The following ZBTB32 variants were observed in gnomAD, a reference collection of about 807,000 sequenced individuals.
ZBTB32 encodes zinc finger and BTB domain-containing protein 32.
In ZBTB32, 28 loss-of-function variants were observed where a neutral mutation model predicts 45.3. The observed-to-expected ratio is 0.62, with a 90% CI of 0.46 to 0.85. ZBTB32 has a LOEUF of 0.85. Ranked by LOEUF, ZBTB32 falls within the 40% of genes least tolerant of loss-of-function variation. The pLI, the probability that ZBTB32 is intolerant of heterozygous loss-of-function variation, is 0.00. For synonymous variants in ZBTB32, 283 were observed against 255.7 expected (o/e 1.11, Z -1.02); for missense variants, 587 against 624.4 (o/e 0.94, Z 0.64).
chr19:35,715,140 A>C lies in ZBTB32; in HGVS notation c.514A>C (p.Arg172=). 1 of 1,614,022 alleles carries C rather than the reference A, an allele frequency of 6.2e-7. No homozygotes were observed. Among genetic ancestry groups the C allele is most frequent in the Non-Finnish European group, 8.5e-7 (1 of 1,180,004 alleles). The change falls in exon 3 of 7, where the codon AGA becomes CGA. Residue 172 remains arginine, a synonymous_variant. Coordinates refer to ENST00000392197, the MANE Select transcript of ZBTB32 (RefSeq NM_014383.3). ...GATGTTGCACAAGCACTCGCCACCA[A>C]GAGGCAGACCCGAGATGGCAGGAGC... ...QEMLHKHSPP[R]GRPEMAGATQ...
chr19:35,716,900 G>T lies in ZBTB32; in HGVS notation c.*148G>T, dbSNP rs1323430372. The T allele has an allele frequency of 2.2e-6, 2 of 912,794 alleles. No homozygotes were observed. Among genetic ancestry groups the T allele is most frequent in the African/African-American group, 1.7e-5 (1 of 59,568 alleles). 56.5% of individuals were successfully genotyped at this position (912,794 alleles called of 1,614,324 possible). On this transcript the variant is annotated 3_prime_UTR_variant, in exon 7 of 7. Coordinates refer to ENST00000392197, the MANE Select transcript of ZBTB32 (RefSeq NM_014383.3). ...GAAGGGCGCCGAGTGCCCTCTCCTG[G>T]ACGATCGCGGGTCGCAGAAGCCCAG...
intron 6 of ZBTB32, 84 bp from the exon 7 acceptor site, chr19:35,716,394 C>G: frequency 1.3e-6 from 2 of 1,587,790 alleles, no homozygotes; most frequent in Non-Finnish European, 8.6e-7. Context: ...ATCCCCTAGC[C>G]CCGTGGCCCG....
chr19:35,716,746 C>T lies in ZBTB32; in HGVS notation c.1458C>T (p.Thr486=), dbSNP rs1305982273. Residue 486 remains threonine, a synonymous_variant, in exon 7 of 7, where the codon ACC becomes ACT. Coordinates refer to ENST00000392197, the MANE Select transcript of ZBTB32 (RefSeq NM_014383.3). ...STSPCCPSSS[T]T ...CTCCCTGTTGTCCTTCTTCCTCCAC[C>T]ACCTGACGGGGTGTCGGTAGCGTCT... 2 of 1,601,860 alleles carry T rather than the reference C, an allele frequency of 1.2e-6. No individual in the cohort carries two copies. The highest frequency in any genetic ancestry group is 1.7e-5 in the Admixed American group (1 of 59,770).
chr19:35,705,467 C>T (rs1223894994), intron 1 of ZBTB32, among the ~76,000 whole-genome samples: 1 of 152,140 alleles, frequency 6.6e-6, no homozygotes, highest in East Asian at 1.9e-4. Flanking sequence ...ATGTTCTTGG[C>T]AGATTTCCCA....
intron 1 of ZBTB32, among the ~76,000 whole-genome samples, chr19:35,708,971 G>A (rs1455438264): frequency 2.0e-5 from 3 of 151,756 alleles, no homozygotes; most frequent in Admixed American, 6.6e-5. Context: ...GGCATGTGCC[G>A]CCACGCCCAG....
chr19:35,711,859 T>C (rs1968702873), intron 1 of ZBTB32, among the ~76,000 whole-genome samples: 1 of 151,682 alleles, frequency 6.6e-6, no homozygotes, highest in East Asian at 1.9e-4. Context: ...ACCCTGTCAC[T>C]ACTAAAAGTA....
At chr19:35,707,794 C>CA (rs1260259864) in intron 1 of ZBTB32, among the ~76,000 whole-genome samples, 1 of 151,992 alleles carries the variant, frequency 6.6e-6, no homozygotes, top group African/African-American at 2.4e-5. Context: ...CCAGCCTGGC[C>CA]AACATGGTAA....
At chr19:35,713,528 G>A (rs554143741) in intron 2 of ZBTB32, 1 of 152,534 alleles carries the variant, frequency 6.6e-6, no homozygotes, top group South Asian at 2.1e-4. Context: ...TGCCAACCTA[G>A]AGCCCTCTCC....
chr19:35,714,086 G>C (rs1968783306), intron 2 of ZBTB32: 2 of 152,384 alleles, frequency 1.3e-5, no homozygotes, highest in African/African-American at 4.8e-5. Context: ...TGGGCTTTTG[G>C]GGGAGGACCC....
chr19:35,705,539 T>C (rs1968517442), intron 1 of ZBTB32, among the ~76,000 whole-genome samples: 1 of 152,120 alleles, frequency 6.6e-6, no homozygotes, highest in Non-Finnish European at 1.5e-5. Context: ...CTGGAGATTC[T>C]AGGGAGAAGG....
intron 3 of ZBTB32, 72 bp from the exon 4 acceptor site, chr19:35,715,685 T>C (rs1009243215): frequency 6.6e-6 from 10 of 1,518,284 alleles, no homozygotes; most frequent in African/African-American, 1.4e-5. Flanking sequence ...GGACTTGGGA[T>C]ACCCCCTCTT....
intron 1 of ZBTB32, among the ~76,000 whole-genome samples, chr19:35,706,031 C>A (rs928980758): frequency 4.0e-5 from 6 of 151,656 alleles, no homozygotes; most frequent in Non-Finnish European, 7.4e-5. Flanking sequence ...AAGTTTGAGA[C>A]CAGCATGACC....
chr19:35,714,567 G>C lies in ZBTB32; in HGVS notation c.-60G>C. ...GTTCCTCCCTCCCCTTTCAACCATG[G>C]ACCTCACACTGTGGACTTCCTCTTA... On this transcript the variant is annotated 5_prime_UTR_variant, in exon 3 of 7. Transcript: ENST00000392197. The C allele has an allele frequency of 6.9e-7, 1 of 1,451,078 alleles. No individual in the cohort carries two copies. Among genetic ancestry groups the C allele is most frequent in the Non-Finnish European group, 9.2e-7 (1 of 1,092,154 alleles). The allele number at this position is 1,451,078 out of a possible 1,614,324, so 89.9% of individuals were successfully genotyped here. A position where few individuals can be genotyped will look rare whatever the true frequency, so the allele number is the denominator to read the frequency against.
At chr19:35,706,866 C>T (rs1326085704) in intron 1 of ZBTB32, among the ~76,000 whole-genome samples, 1 of 152,148 alleles carries the variant, frequency 6.6e-6, no homozygotes, top group Admixed American at 6.5e-5. Flanking sequence ...CTTCAGTACA[C>T]CCAGAGTTCT....
chr19:35,715,017 C>G lies in ZBTB32; in HGVS notation c.391C>G (p.Pro131Ala). 1 of 1,611,468 alleles carries G rather than the reference C, an allele frequency of 6.2e-7. No individual in the cohort carries two copies. The highest frequency in any genetic ancestry group is 8.5e-7 in the Non-Finnish European group (1 of 1,179,186). Residue 131 changes from proline to alanine, a missense_variant, in exon 3 of 7, where the codon CCA becomes GCA. Transcript: ENST00000392197. ...DPGLKKHQEE[P>A]EKPSRNPERE... Reference sequence around the variant, plus strand: ...AGGCCTGAAGAAACATCAGGAGGAGCCAGAGAAACCCTCAAGGAATCCTGA... The same window carrying G: ...AGGCCTGAAGAAACATCAGGAGGAGGCAGAGAAACCCTCAAGGAATCCTGA...
At position 35,715,361 on chromosome 19, in the gene ZBTB32, T is replaced by C; in HGVS notation, c.735T>C (p.Pro245=). 6.2e-7 allele frequency: 1 copy of C among 1,611,854 alleles called. No individual in the cohort carries two copies. Among genetic ancestry groups the C allele is most frequent in the Non-Finnish European group, 8.5e-7 (1 of 1,179,294 alleles). ...PAGSLQTSVT[P]RPSWAEAPWL... ...GCTCCCTGCAAACCAGCGTCACCCC[T>C]AGGCCCTCGTGGGCTGAGGCCCCTT... The change falls in exon 3 of 7, where the codon CCT becomes CCC. Residue 245 remains proline (P), a synonymous_variant. Coordinates refer to ENST00000392197, the MANE Select transcript of ZBTB32 (RefSeq NM_014383.3).
chr19:35,710,398 C>T (rs983892450), intron 1 of ZBTB32, among the ~76,000 whole-genome samples: 2 of 151,978 alleles, frequency 1.3e-5, no homozygotes, highest in African/African-American at 4.8e-5. Flanking sequence ...GAGACAACTG[C>T]AGATGATTCC....
chr19:35,707,788 C>T (rs1410989719), intron 1 of ZBTB32, among the ~76,000 whole-genome samples: 2 of 151,996 alleles, frequency 1.3e-5, no homozygotes, highest in African/African-American at 4.8e-5. Flanking sequence ...TTGAGACCAG[C>T]CTGGCCAACA....
At chr19:35,707,410 A>G (rs1297944617) in intron 1 of ZBTB32, among the ~76,000 whole-genome samples, 1 of 129,474 alleles carries the variant, frequency 7.7e-6, no homozygotes, top group Non-Finnish European at 1.6e-5. Context: ...TAGCTCTGTT[A>G]CCAGGCTGGA....
Sources: allele counts gnomAD v4.1 joint callset (sites outside exome capture counted in the v4.1 genomes callset), GRCh38; gene constraint gnomAD v4.1.1; transcripts MANE v1.5; gene names NCBI Gene and HGNC (gene_info 2026-07-23, HGNC 2026-07-21).